CLIC5: variants seen among roughly 807,000 people sequenced by gnomAD.
CLIC5 encodes chloride intracellular channel protein 5.
Under a neutral mutation model 24.7 loss-of-function variants are expected in CLIC5, and 20 were observed. That is an observed-to-expected ratio of 0.81 (90% CI 0.57 to 1.18). CLIC5 has a LOEUF of 1.18. Among genes scored for constraint, CLIC5 ranks in the 50% most tolerant of loss-of-function variants. The probability of loss-of-function intolerance (pLI) is 0.00; values close to 1 mark genes in which losing one functional copy is unlikely to be tolerated. For missense variants in CLIC5, 341 were observed against 326.1 expected (o/e 1.05, Z -0.35); for synonymous variants, 159 against 135.6 (o/e 1.17, Z -1.20).
At chr6:45,921,928 C>T (rs6905472) in intron 4 of CLIC5, among the ~76,000 whole-genome samples, 121,715 of 152,140 alleles carry the variant, frequency 0.8, 49,161 homozygotes, top group African/African-American at 0.92. Flanking sequence ...CAAATTGGCC[C>T]TGGGTGTGAA....
intron 1 of CLIC5, among the ~76,000 whole-genome samples, chr6:46,075,363 T>C (rs1450477702): frequency 6.7e-6 from 1 of 149,972 alleles, no homozygotes; most frequent in Non-Finnish European, 1.5e-5. Flanking sequence ...AGCCCAGGAG[T>C]TTAAGAACAG....
chr6:45,983,106 ACG>A (rs1491441713), intron 1 of CLIC5, among the ~76,000 whole-genome samples: 1 of 152,222 alleles, frequency 6.6e-6, no homozygotes, highest in Non-Finnish European at 1.5e-5. Flanking sequence ...CTTCCTTGTA[ACG>A]TACATTCAGT....
At chr6:45,882,024 T>A (rs1330401407) in intron 6 of CLIC5, among the ~76,000 whole-genome samples, 1 of 152,196 alleles carries the variant, frequency 6.6e-6, no homozygotes. Context: ...AGCATTATAG[T>A]TCCTTCCAAC....
chr6:46,072,686 T>A (rs1176056190), intron 1 of CLIC5, among the ~76,000 whole-genome samples: 4 of 152,188 alleles, frequency 2.6e-5, no homozygotes, highest in Non-Finnish European at 5.9e-5. Context: ...TCTTTATTAT[T>A]CTTTCATGAA....
rs186120150 is a variant in CLIC5, at chr6:45,949,178, C to A, written c.299+78G>T. 1.5e-5 allele frequency: 23 copies of A among 1,514,928 alleles called. No homozygotes were observed. In the South Asian group the frequency reaches 2.2e-4, roughly 15 times the overall value. 93.8% of individuals were successfully genotyped at this position (1,514,928 alleles called of 1,614,324 possible). ...AGGTTCCTTTGGAAATGCATCTGCC[C>A]GAAGTTAACACCAGGACTTTATAGA... is the stretch of plus-strand genomic sequence containing the variant. On this transcript the variant is annotated intron_variant, in intron 3 of 5. Coordinates refer to ENST00000339561, the MANE Select transcript of CLIC5 (RefSeq NM_016929.5).
intron 6 of CLIC5, among the ~76,000 whole-genome samples, chr6:45,891,885 G>T (rs997158013): frequency 6.6e-6 from 1 of 152,140 alleles, no homozygotes; most frequent in African/African-American, 2.4e-5. Context: ...ACAACTGTAC[G>T]ATGAAGATTA....
chr6:45,959,965 T>C (rs1344576249), intron 1 of CLIC5, among the ~76,000 whole-genome samples: 2 of 152,144 alleles, frequency 1.3e-5, no homozygotes, highest in African/African-American at 2.4e-5. Context: ...GTCACACTTA[T>C]ACCACTGCTT....
chr6:46,123,316 A>G, the CLIC5 span, among the ~76,000 whole-genome samples: 1 of 152,222 alleles, frequency 6.6e-6, no homozygotes, highest in Admixed American at 6.5e-5. Flanking sequence ...ATATTAACAG[A>G]ACCAAAGACA....
chr6:45,925,690 T>A (rs917400455), intron 4 of CLIC5, among the ~76,000 whole-genome samples: 5 of 152,198 alleles, frequency 3.3e-5, no homozygotes, highest in African/African-American at 1.2e-4. Context: ...GAATAAGCCG[T>A]TCAGTGGGGT....
chr6:45,946,437 G>T (rs1764291169), intron 3 of CLIC5, among the ~76,000 whole-genome samples: 1 of 152,150 alleles, frequency 6.6e-6, no homozygotes, highest in Non-Finnish European at 1.5e-5. Flanking sequence ...GTTTGTATGT[G>T]GTTTTCTCCT....
intron 1 of CLIC5, among the ~76,000 whole-genome samples, chr6:46,023,442 T>C (rs1767241346): frequency 6.6e-6 from 1 of 152,126 alleles, no homozygotes; most frequent in South Asian, 2.1e-4. Context: ...AAGCCCAGGA[T>C]GTGGTTGGAG....
chr6:46,017,548 A>T (rs1474952151), upstream of CLIC5, among the ~76,000 whole-genome samples: 4 of 152,202 alleles, frequency 2.6e-5, no homozygotes, highest in Non-Finnish European at 5.9e-5. Flanking sequence ...TGCTCTACAA[A>T]CTGCTTTTCT....
intron 1 of CLIC5, among the ~76,000 whole-genome samples, chr6:46,033,614 G>C (rs1767573356): frequency 6.6e-6 from 1 of 152,210 alleles, no homozygotes; most frequent in South Asian, 2.1e-4. Flanking sequence ...AGACCTGCCA[G>C]CCCTTCCTCA....
At chr6:46,005,617 C>A (rs1766523212) in intron 1 of CLIC5, among the ~76,000 whole-genome samples, 1 of 152,166 alleles carries the variant, frequency 6.6e-6, no homozygotes, top group South Asian at 2.1e-4. Context: ...TCTGCTAGAT[C>A]TGAATGTTTG....
chr6:46,074,017 T>G (rs1168439394), intron 1 of CLIC5, among the ~76,000 whole-genome samples: 1 of 152,194 alleles, frequency 6.6e-6, no homozygotes, highest in African/African-American at 2.4e-5. Context: ...CATCAGCTCT[T>G]GGCCAAGGAA....
At chr6:45,934,857 A>G (rs931475581) in intron 4 of CLIC5, among the ~76,000 whole-genome samples, 1 of 152,240 alleles carries the variant, frequency 6.6e-6, no homozygotes, top group South Asian at 2.1e-4. Context: ...AAGAAATTTT[A>G]AAAAGGGGTA....
intron 1 of CLIC5, among the ~76,000 whole-genome samples, chr6:46,011,714 C>G (rs1255468857): frequency 1.3e-5 from 2 of 152,182 alleles, no homozygotes; most frequent in African/African-American, 4.8e-5. Context: ...ACCTACACAG[C>G]ACATCCTGTG....
At chr6:46,116,002 A>T in the CLIC5 span, among the ~76,000 whole-genome samples, 1 of 152,238 alleles carries the variant, frequency 6.6e-6, no homozygotes, top group Non-Finnish European at 1.5e-5. Flanking sequence ...GCTATTTTTT[A>T]TCCTCCTCTA....
intron 3 of CLIC5, 51 bp downstream of exon 3, chr6:45,949,205 C>A: frequency 6.3e-7 from 1 of 1,577,008 alleles, no homozygotes; most frequent in Non-Finnish European, 8.6e-7. Flanking sequence ...CTTTATAGAT[C>A]CAGCATGAAC....
Sources: gnomAD v4.1 joint callset for allele counts (sites outside exome capture counted in the v4.1 genomes callset) on GRCh38, gnomAD v4.1.1 for gene constraint, MANE v1.5 for transcripts, NCBI Gene and HGNC (gene_info 2026-07-23, HGNC 2026-07-21) for gene names.